CABP7: variants seen among roughly 807,000 people sequenced by gnomAD.
CABP7 encodes the protein calcium binding protein 7.
In CABP7, 13 loss-of-function variants were observed where a neutral mutation model predicts 23.1. The observed-to-expected ratio is 0.56, with a 90% CI of 0.37 to 0.90. The LOEUF is 0.90. CABP7 is among the 40% of genes least tolerant of loss of function. CABP7 has a pLI of 0.01. For missense variants in CABP7, 248 were observed against 295.6 expected, an observed-to-expected ratio of 0.84 and a Z score of 1.18; for synonymous variants, 123 against 115.3, an observed-to-expected ratio of 1.07 and a Z score of -0.43.
intron 1 of CABP7, among the ~76,000 whole-genome samples, chr22:29,726,702 A>T (rs2067797700): frequency 6.6e-6 from 1 of 152,212 alleles, no homozygotes; most frequent in Non-Finnish European, 1.5e-5. Context: ...TGGCAAGCAA[A>T]CAAGGAGACC....
chr22:29,729,668 C>T lies in CABP7; in HGVS notation c.*99C>T, dbSNP rs552053465. ...CTCCCTTGGCCGGCTCCCTGGGCCGCCATCTGCGTGTACTTCAGGGCCTGG... is the reference window on the plus strand; with the variant it reads ...CTCCCTTGGCCGGCTCCCTGGGCCGTCATCTGCGTGTACTTCAGGGCCTGG... On this transcript the variant is annotated 3_prime_UTR_variant, in exon 5 of 5. Transcript: ENST00000216144. The T allele has an allele frequency of 3.2e-5, 47 of 1,478,700 alleles. No individual in the cohort carries two copies. The highest frequency in any genetic ancestry group is 4.0e-5 in the Non-Finnish European group (44 of 1,091,460). 91.6% of individuals were successfully genotyped at this position (1,478,700 alleles called of 1,614,324 possible).
chr22:29,726,358 G>A (rs193036392), intron 1 of CABP7, among the ~76,000 whole-genome samples: 135 of 152,320 alleles, frequency 8.9e-4, no homozygotes, highest in Middle Eastern at 3.4e-3. Context: ...CCCCTAGTCT[G>A]TGGTGAGACC....
rs1307219257 is a variant in CABP7, at chr22:29,731,763, T to A, written c.*2194T>A. 1 of 157,160 alleles carries A rather than the reference T, an allele frequency of 6.4e-6. No individual in the cohort carries two copies. Among genetic ancestry groups the A allele is most frequent in the East Asian group, 1.9e-4 (1 of 5,298 alleles). 9.7% of individuals were successfully genotyped at this position (157,160 alleles called of 1,614,324 possible). ...AGCTTATAAAATAATGTATATAGCA[T>A]GATACTATTTTTGTTTAAAAATATA... is the stretch of plus-strand genomic sequence containing the variant. On this transcript the variant is annotated 3_prime_UTR_variant, in exon 5 of 5. Transcript: ENST00000216144.
chr22:29,727,565 C>G lies in CABP7; in HGVS notation c.110-97C>G. 1 of 1,500,744 alleles carries G rather than the reference C, an allele frequency of 6.7e-7. No individual in the cohort carries two copies. The highest frequency in any genetic ancestry group is 9.2e-7 in the Non-Finnish European group (1 of 1,087,114). The allele number at this position is 1,500,744 out of a possible 1,614,324, so 93.0% of individuals were successfully genotyped here. A position where few individuals can be genotyped will look rare whatever the true frequency, so the allele number is the denominator to read the frequency against. On this transcript the variant is annotated intron_variant, in intron 1 of 4. Coordinates refer to ENST00000216144, the MANE Select transcript of CABP7 (RefSeq NM_182527.3). The surrounding 1 kb of genome is among the most constrained non-coding windows in gnomAD (Gnocchi z 4.2). ...CAGGCTCTGGGTTGGGCTCTCAAGG[C>G]CATGCTCAGGCTGCAGGGTCGGTGA...
intron 3 of CABP7, among the ~76,000 whole-genome samples, 154 bp downstream of exon 3, chr22:29,728,896 TG>T (rs1204054082): frequency 6.6e-6 from 1 of 152,154 alleles, no homozygotes; most frequent in East Asian, 1.9e-4. Flanking sequence ...ATGGGCTCCC[TG>T]GGGAGGCCGG....
chr22:29,726,574 G>A (rs775882986), intron 1 of CABP7, among the ~76,000 whole-genome samples: 4 of 152,206 alleles, frequency 2.6e-5, no homozygotes, highest in Non-Finnish European at 4.4e-5. Context: ...GGAGCACCTC[G>A]CGTGTCTCTA....
rs1288234245 is a variant in CABP7 at position 29,727,315 on chromosome 22, C to G, written c.110-347C>G. Among the ~76,000 whole-genome samples the G allele has an allele frequency of 6.6e-6, 1 of 151,698 alleles. No homozygotes were observed. Among genetic ancestry groups the G allele is most frequent in the Non-Finnish European group, 1.5e-5 (1 of 67,876 alleles). ...GGGCGGGTGGGGAAGCCGTCAGCAG[C>G]CGCGGGGGCCGGGGAGATCCAGCAT... On this transcript the variant is annotated intron_variant, in intron 1 of 4. Transcript: ENST00000216144. This position sits in a 1 kb window ranked among gnomAD's most constrained non-coding sequence, Gnocchi z 4.2.
In CABP7 at chr22:29,727,209, T is replaced by TTAAGGATC. The variant is rs140093; in HGVS notation, c.110-444_110-437dup. ...TGCCATTAGCAAGTGTTGGCCGGTG[T>TTAAGGATC]TAAGGATCTAAGGATCCGAGCCTGG... is the stretch of plus-strand genomic sequence containing the variant. On this transcript the variant is annotated intron_variant, in intron 1 of 4. Transcript: ENST00000216144. The surrounding 1 kb of genome is among the most constrained non-coding windows in gnomAD (Gnocchi z 4.2). 0.43 allele frequency among the ~76,000 whole-genome samples: 64,506 copies of TTAAGGATC among 150,372 alleles called. 14,617 individuals carry two copies. Among genetic ancestry groups the TTAAGGATC allele is most frequent in the East Asian group, 0.65 (3,203 of 4,948 alleles).
chr22:29,720,438 C>T lies in CABP7; in HGVS notation c.14C>T (p.Pro5Leu), dbSNP rs2067751513. The T allele has an allele frequency of 3.2e-6, 5 of 1,543,930 alleles. No homozygotes were observed. Among genetic ancestry groups the T allele is most frequent in the Admixed American group, 1.9e-5 (1 of 53,242 alleles). Residue 5 changes from proline to leucine, a missense_variant, in exon 1 of 5, where the codon CCG becomes CTG. By Grantham distance (98) the Pro-to-Leu change is moderately conservative. Transcript: ENST00000216144. This position sits in a 1 kb window ranked among gnomAD's most constrained non-coding sequence, Gnocchi z 5.2. Reference sequence around the variant, plus strand: ...GGAGCCTCCAAGATGCCGTTCCACCCGGTGACGGCGGCGTTGATGTACCGG... The same window carrying T: ...GGAGCCTCCAAGATGCCGTTCCACCTGGTGACGGCGGCGTTGATGTACCGG... MPFHPVTAALMYRGI... is the reference protein window; with the variant it reads MPFHLVTAALMYRGI...
At position 29,730,546 on chromosome 22, in the gene CABP7, C is replaced by T. The variant is rs1209890909; in HGVS notation, c.*977C>T. The stretch of plus-strand genomic sequence containing the variant: ...GCCCCACACTGTCAGTGCCAAGAGG[C>T]TGCGCCAGGCCACTCTCTCAGCCCA... On this transcript the variant is annotated 3_prime_UTR_variant, in exon 5 of 5. Transcript: ENST00000216144. The T allele has an allele frequency of 6.6e-6, 1 of 152,452 alleles. No individual in the cohort carries two copies. Among genetic ancestry groups the T allele is most frequent in the Non-Finnish European group, 1.5e-5 (1 of 68,194 alleles). The allele number at this position is 152,452 out of a possible 1,614,324, so 9.4% of individuals were successfully genotyped here.
Position 29,730,418 on chromosome 22 carries a change from G to A in CABP7, c.*849G>A, listed in dbSNP as rs930817478. 1 of 152,598 alleles carries A rather than the reference G, an allele frequency of 6.6e-6. No individual in the cohort carries two copies. The highest frequency in any genetic ancestry group is 6.5e-5 in the Admixed American group (1 of 15,288). 9.5% of individuals were successfully genotyped at this position (152,598 alleles called of 1,614,324 possible). On this transcript the variant is annotated 3_prime_UTR_variant, in exon 5 of 5. Coordinates refer to ENST00000216144, the MANE Select transcript of CABP7 (RefSeq NM_182527.3). ...TAGTCCAGCTGAGGAAGGAGGCAGA[G>A]CTGGGGCCTGAAGGCTCTGAGCAGC...
In CABP7 at chr22:29,720,365, C is replaced by T; in HGVS notation, c.-60C>T. 1.8e-6 allele frequency: 2 copies of T among 1,107,822 alleles called. No homozygotes were observed. The highest frequency in any genetic ancestry group is 7.9e-5 in the East Asian group (2 of 25,332). The allele number at this position is 1,107,822 out of a possible 1,614,324, so 68.6% of individuals were successfully genotyped here. ...GCTCCAGCCGCCCCCGGGGCCGCCA[C>T]CGGCCCATGAGCCCCGGCCTCAAAG... On this transcript the variant is annotated 5_prime_UTR_variant, in exon 1 of 5. Transcript: ENST00000216144. This position sits in a 1 kb window ranked among gnomAD's most constrained non-coding sequence, Gnocchi z 5.2.
chr22:29,721,064 G>A (rs1362815445), intron 1 of CABP7, among the ~76,000 whole-genome samples: 1 of 152,178 alleles, frequency 6.6e-6, no homozygotes, highest in African/African-American at 2.4e-5. Flanking sequence ...ACCTGCGGCC[G>A]TAGCCCCTTC....
At position 29,729,017 on chromosome 22, in the gene CABP7, G is replaced by A. The variant is rs779441123; in HGVS notation, c.367-38G>A. 3.7e-5 allele frequency: 59 copies of A among 1,597,646 alleles called. 3 individuals carry two copies. The highest frequency in any genetic ancestry group is 2.0e-4 in the Admixed American group (12 of 59,800). On this transcript the variant is annotated intron_variant, in intron 3 of 4. Transcript: ENST00000216144. The stretch of plus-strand genomic sequence containing the variant: ...CCGTGGGGTGCTGGGTGGGGGCTGC[G>A]GTGGCTCTCAGAGCACCGTGTTGTC...
At chr22:29,729,231 C>G in intron 4 of CABP7, 23 bp downstream of exon 4, 1 of 1,593,486 alleles carries the variant, frequency 6.3e-7, no homozygotes, top group South Asian at 1.1e-5. Flanking sequence ...CCCTGGAACC[C>G]CACGGGTGGG....
rs142160138 is a variant in CABP7, at chr22:29,730,986, G to A, written c.*1417G>A. 1.3e-3 allele frequency: 504 copies of A among 385,006 alleles called. 3 individuals are homozygous for A. The highest frequency in any genetic ancestry group is 9.9e-3 in the African/African-American group (474 of 47,868). 23.8% of individuals were successfully genotyped at this position (385,006 alleles called of 1,614,324 possible). The stretch of plus-strand genomic sequence containing the variant: ...TGACAGACTTTCTTTATAAACATTT[G>A]GAAGTTTTCTCCCCCATCTTCTTAA... On this transcript the variant is annotated 3_prime_UTR_variant, in exon 5 of 5. Coordinates refer to ENST00000216144, the MANE Select transcript of CABP7 (RefSeq NM_182527.3).
rs775604684 is a variant in CABP7 at position 29,729,049 on chromosome 22, C to T, written c.367-6C>T. ...CTCAGAGCACCGTGTTGTCCCCCTC[C>T]GCAAGTGCGACATGCAGAAGCTGAC... is the stretch of plus-strand genomic sequence containing the variant. On this transcript the variant is annotated splice_region_variant and splice_polypyrimidine_tract_variant and intron_variant, in intron 3 of 4. Transcript: ENST00000216144. 14 of 1,609,604 alleles carry T rather than the reference C, an allele frequency of 8.7e-6. No homozygotes were observed. Among genetic ancestry groups the T allele is most frequent in the South Asian group, 3.3e-5 (3 of 90,958 alleles).
rs1407232667 is a variant in CABP7 at position 29,731,432 on chromosome 22, C to T, written c.*1863C>T. 1.3e-6 allele frequency: 2 copies of T among 1,498,212 alleles called. No homozygotes were observed. The highest frequency in any genetic ancestry group is 1.5e-5 in the African/African-American group (1 of 67,976). 92.8% of individuals were successfully genotyped at this position (1,498,212 alleles called of 1,614,324 possible). On this transcript the variant is annotated 3_prime_UTR_variant, in exon 5 of 5. Transcript: ENST00000216144. The stretch of plus-strand genomic sequence containing the variant: ...TATGCCACCCCCAGCCCACCTGCCT[C>T]ACCACCCTGGCTGTGGGGAGGGTCA...
Position 29,720,642 on chromosome 22 carries a change from C to T in CABP7, c.109+109C>T, listed in dbSNP as rs889047310. 1.2e-5 allele frequency: 7 copies of T among 583,642 alleles called. No individual in the cohort carries two copies. The African/African-American group carries it at 1.2e-4, about 10-fold the overall frequency. 36.2% of individuals were successfully genotyped at this position (583,642 alleles called of 1,614,324 possible). Reference sequence around the variant, plus strand: ...GGGGCGGGGGGCGGTCCGCAGGTGCCGGTTGCCAGGTGGGCGCCCCAGCTA... The same window carrying T: ...GGGGCGGGGGGCGGTCCGCAGGTGCTGGTTGCCAGGTGGGCGCCCCAGCTA... On this transcript the variant is annotated intron_variant, in intron 1 of 4. Coordinates refer to ENST00000216144, the MANE Select transcript of CABP7 (RefSeq NM_182527.3). The surrounding 1 kb of genome is among the most constrained non-coding windows in gnomAD (Gnocchi z 5.2).
Sources: gnomAD v4.1 joint callset for allele counts (sites outside exome capture counted in the v4.1 genomes callset) on GRCh38, gnomAD v4.1.1 for gene constraint, Gnocchi (gnomAD v3.1) non-coding constraint, MANE v1.5 for transcripts, NCBI Gene and HGNC (gene_info 2026-07-23, HGNC 2026-07-21) for gene names.